CELF4: variants seen among roughly 807,000 people sequenced by gnomAD.
The protein encoded by CELF4 is CUG-BP- and ETR-3-like factor 4.
Under a neutral mutation model 59.9 loss-of-function variants are expected in CELF4, and 18 were observed. The ratio of observed to expected loss-of-function variants is 0.30; its 90% confidence interval spans 0.21 to 0.45. CELF4 has a LOEUF of 0.45. Among genes scored for constraint, CELF4 ranks in the 20% least tolerant of loss-of-function variants. The pLI is 1.00. For synonymous variants in CELF4, 261 were observed against 267.1 expected, an observed-to-expected ratio of 0.98 and a Z score of 0.22; for missense variants, 456 against 689.0, an observed-to-expected ratio of 0.66 and a Z score of 3.79.
chr18:37,403,627 G>A (rs975238455), intron 2 of CELF4, among the ~76,000 whole-genome samples: 1 of 152,188 alleles, frequency 6.6e-6, no homozygotes, highest in African/African-American at 2.4e-5. Flanking sequence ...GTGCCTGACG[G>A]TGTGCAGTCC....
At chr18:37,274,554 G>A (rs888309944) in intron 5 of CELF4, 100 bp from the exon 6 acceptor site, 18 of 1,591,902 alleles carry the variant, frequency 1.1e-5, no homozygotes, top group Non-Finnish European at 1.5e-5. Context: ...TCCTCGGGGC[G>A]CTTTGGAGGA....
At chr18:37,365,687 T>C (rs531992198) in intron 2 of CELF4, among the ~76,000 whole-genome samples, 1 of 152,042 alleles carries the variant, frequency 6.6e-6, no homozygotes, top group Non-Finnish European at 1.5e-5. Context: ...GGTTTCACCA[T>C]GTTGGTCAGA....
chr18:37,469,066 C>T (rs1173642334), intron 2 of CELF4, among the ~76,000 whole-genome samples: 2 of 152,162 alleles, frequency 1.3e-5, no homozygotes, highest in Non-Finnish European at 2.9e-5. Context: ...ATCTTCCCAG[C>T]CTAGGGAAAG....
At chr18:37,400,480 T>C (rs540014866) in intron 2 of CELF4, among the ~76,000 whole-genome samples, 1 of 152,322 alleles carries the variant, frequency 6.6e-6, no homozygotes, top group East Asian at 1.9e-4. Context: ...GTTTGTTGCA[T>C]TCATGTTCTT....
chr18:37,540,016 T>G (rs556348829), intron 1 of CELF4, among the ~76,000 whole-genome samples: 1 of 152,304 alleles, frequency 6.6e-6, no homozygotes, highest in African/African-American at 2.4e-5. Context: ...TGTGCGTAGC[T>G]CTCCCTGTCT....
At chr18:37,449,749 G>A (rs1257993238) in intron 2 of CELF4, among the ~76,000 whole-genome samples, 2 of 152,216 alleles carry the variant, frequency 1.3e-5, no homozygotes. Flanking sequence ...GAGAGAGTGA[G>A]CCAAGTGAGC....
At chr18:37,481,859 G>C (rs1213923431) in intron 2 of CELF4, among the ~76,000 whole-genome samples, 1 of 152,194 alleles carries the variant, frequency 6.6e-6, no homozygotes, top group East Asian at 1.9e-4. Flanking sequence ...CTCAGTGCTG[G>C]TCCTGGCTCG....
Position 37,558,875 on chromosome 18 carries a change from T to G in CELF4, c.286+6481A>C, listed in dbSNP as rs1204619805. 5.3e-5 allele frequency among the ~76,000 whole-genome samples: 8 copies of G among 150,644 alleles called. No homozygotes were observed. The South Asian group carries it at 1.7e-3, about 32-fold the overall frequency. Reference sequence around the variant, plus strand: ...AGTCGCCTGGAATACCAAGAGGCAGTGAGTAAGGTGGGAAATGCAGTGGGT... The same window carrying G: ...AGTCGCCTGGAATACCAAGAGGCAGGGAGTAAGGTGGGAAATGCAGTGGGT... On this transcript the variant is annotated intron_variant, in intron 1 of 12. Coordinates refer to ENST00000420428, the MANE Select transcript of CELF4 (RefSeq NM_020180.4).
At chr18:37,404,391 C>T (rs2099360576) in intron 2 of CELF4, among the ~76,000 whole-genome samples, 3 of 152,238 alleles carry the variant, frequency 2.0e-5, no homozygotes, top group Admixed American at 2.0e-4. Flanking sequence ...CAGGGCACCT[C>T]TGGAGTTAAG....
intron 3 of CELF4, among the ~76,000 whole-genome samples, chr18:37,302,045 A>C (rs2096079235): frequency 6.6e-6 from 1 of 152,212 alleles, no homozygotes; most frequent in African/African-American, 2.4e-5. Context: ...ACAGCATGCA[A>C]ACCACTTTGG....
intron 1 of CELF4, among the ~76,000 whole-genome samples, chr18:37,532,379 C>T (rs1276258879): frequency 6.6e-6 from 1 of 152,190 alleles, no homozygotes; most frequent in East Asian, 1.9e-4. Context: ...GGGACTGCAT[C>T]TCAGTCACCT....
Position 37,308,265 on chromosome 18 carries a change from C to T in CELF4, c.448+13538G>A, listed in dbSNP as rs561795252. 3.3e-5 allele frequency among the ~76,000 whole-genome samples: 5 copies of T among 152,290 alleles called. No individual in the cohort carries two copies. The South Asian group carries it at 1.0e-3, about 32-fold the overall frequency. ...TCCCCATCATCTTCTGGAACTGCCT[C>T]CCCACCCCAAACTCCTTTGCCTGGC... On this transcript the variant is annotated intron_variant, in intron 3 of 12. Coordinates refer to ENST00000420428, the MANE Select transcript of CELF4 (RefSeq NM_020180.4).
intron 2 of CELF4, among the ~76,000 whole-genome samples, chr18:37,355,296 C>T (rs564678279): frequency 6.6e-6 from 1 of 152,282 alleles, no homozygotes; most frequent in South Asian, 2.1e-4. Context: ...TGATTATGTC[C>T]AGGAATGCAT....
intron 10 of CELF4, 39 bp downstream of exon 10, chr18:37,264,635 G>T (rs767408413): frequency 8.5e-6 from 13 of 1,520,670 alleles, no homozygotes; most frequent in Non-Finnish European, 1.2e-5. Context: ...GGGGACAACA[G>T]GGGGAGGGAG....
intron 2 of CELF4, among the ~76,000 whole-genome samples, chr18:37,334,579 C>A (rs570648150): frequency 1.9e-4 from 29 of 152,194 alleles, no homozygotes; most frequent in African/African-American, 6.5e-4. Flanking sequence ...TCTGTGTTAT[C>A]CAGGGCCCAG....
Position 37,418,110 on chromosome 18 carries a change from T to C in CELF4, c.369+67415A>G, listed in dbSNP as rs140292152. On this transcript the variant is annotated intron_variant, in intron 2 of 12. Transcript: ENST00000420428. ...GATCTGATGAAAGGCCCCAATTGTC[T>C]TTCCTCCCCAGTTCTCTTTCTGTCC... Among the ~76,000 whole-genome samples, 9 of 152,310 alleles carry C rather than the reference T, an allele frequency of 5.9e-5. 1 individual carries two copies. In the East Asian group the frequency reaches 1.7e-3, roughly 29 times the overall value.
chr18:37,326,766 C>T (rs561331696), intron 2 of CELF4, among the ~76,000 whole-genome samples: 28 of 152,302 alleles, frequency 1.8e-4, no homozygotes, highest in African/African-American at 2.9e-4. Flanking sequence ...CTCCCACCTG[C>T]GGCAGGGGGT....
At chr18:37,375,809 C>T (rs1372619376) in intron 2 of CELF4, among the ~76,000 whole-genome samples, 1 of 152,126 alleles carries the variant, frequency 6.6e-6, no homozygotes, top group South Asian at 2.1e-4. Context: ...TACTCTTCCA[C>T]CCCCAAGCAT....
intron 1 of CELF4, among the ~76,000 whole-genome samples, chr18:37,563,320 C>G (rs2099987145): frequency 6.6e-6 from 1 of 152,050 alleles, no homozygotes; most frequent in African/African-American, 2.4e-5. Context: ...ATATGAAGCC[C>G]AGCTCCTCAT....
Sources: allele counts gnomAD v4.1 joint callset (sites outside exome capture counted in the v4.1 genomes callset), GRCh38; gene constraint gnomAD v4.1.1; transcripts MANE v1.5; gene names NCBI Gene and HGNC (gene_info 2026-07-23, HGNC 2026-07-21).